SOCS2: variants seen among roughly 807,000 people sequenced by gnomAD.
The protein encoded by SOCS2 is suppressor of cytokine signaling 2, also known as CIS-2.
A neutral mutation model predicts 18.6 loss-of-function variants in SOCS2; 10 were observed. The observed-to-expected ratio is 0.54, with a 90% CI of 0.33 to 0.91. The LOEUF (loss-of-function observed/expected upper bound fraction) is 0.91. SOCS2 is among the 40% of genes least tolerant of loss of function. SOCS2 has a pLI of 0.02. For missense variants in SOCS2, 231 were observed against 247.2 expected, an observed-to-expected ratio of 0.93 and a Z score of 0.44; for synonymous variants, 104 against 104.0, an observed-to-expected ratio of 1.00 and a Z score of 0.00.
At chr12:93,621,878 A>T in the SOCS2 span, among the ~76,000 whole-genome samples, 17 of 152,324 alleles carry the variant, frequency 1.1e-4, 1 homozygote, top group East Asian at 2.1e-3. Context: ...GACTTAAATC[A>T]GTTAACATAT....
At chr12:93,600,816 T>C in the SOCS2 span, among the ~76,000 whole-genome samples, 3 of 151,174 alleles carry the variant, frequency 2.0e-5, no homozygotes, top group African/African-American at 7.3e-5. Flanking sequence ...AGAGATGAGG[T>C]CTTGATCTGT....
chr12:93,610,494 C>T, the SOCS2 span, among the ~76,000 whole-genome samples: 9 of 152,310 alleles, frequency 5.9e-5, no homozygotes, highest in African/African-American at 2.2e-4. Context: ...GTTTGAGTAA[C>T]ATTGTGCTAT....
At chr12:93,622,888 T>C in the SOCS2 span, among the ~76,000 whole-genome samples, 11 of 152,162 alleles carry the variant, frequency 7.2e-5, no homozygotes, top group Admixed American at 6.5e-4. Context: ...TATAAACTTA[T>C]GGAAGGTTTG....
At chr12:93,582,683 G>A (rs543318660) in intron 1 of SOCS2, among the ~76,000 whole-genome samples, 1 of 152,324 alleles carries the variant, frequency 6.6e-6, no homozygotes, top group African/African-American at 2.4e-5. Flanking sequence ...AGGTCGCGGT[G>A]CAGCGGGCAC....
At chr12:93,574,203 T>A (rs1436803721) in intron 1 of SOCS2, 1 of 135,696 alleles carries the variant, frequency 7.4e-6, no homozygotes, top group Non-Finnish European at 1.6e-5. Flanking sequence ...CTTTGCAGAT[T>A]CTTTTTTTTT....
chr12:93,600,710 G>A, the SOCS2 span, among the ~76,000 whole-genome samples: 3 of 147,184 alleles, frequency 2.0e-5, no homozygotes, highest in Non-Finnish European at 4.5e-5. Context: ...TATAAGTTAC[G>A]TAAAGTTTTT....
downstream of SOCS2, among the ~76,000 whole-genome samples, chr12:93,584,026 A>C (rs1954568608): frequency 6.6e-6 from 1 of 152,244 alleles, no homozygotes; most frequent in Non-Finnish European, 1.5e-5. Flanking sequence ...TAAGTGTTCC[A>C]ATTAGCTAAG....
At chr12:93,589,167 C>T in the SOCS2 span, among the ~76,000 whole-genome samples, 1 of 152,354 alleles carries the variant, frequency 6.6e-6, no homozygotes, top group East Asian at 1.9e-4. Flanking sequence ...TTAGTGTTAT[C>T]TTCTCCAGCT....
chr12:93,625,935 A>G, the SOCS2 span, among the ~76,000 whole-genome samples: 1 of 152,030 alleles, frequency 6.6e-6, no homozygotes, highest in Non-Finnish European at 1.5e-5. Flanking sequence ...GTGATACTCT[A>G]TCTTGTTATT....
chr12:93,587,444 G>A (rs1394389858), downstream of SOCS2, among the ~76,000 whole-genome samples: 2 of 152,256 alleles, frequency 1.3e-5, no homozygotes, highest in Admixed American at 1.3e-4. Context: ...CACTTTGGGA[G>A]GCAGAGGTGG....
chr12:93,597,554 G>A, the SOCS2 span, among the ~76,000 whole-genome samples: 1 of 152,134 alleles, frequency 6.6e-6, no homozygotes, highest in Admixed American at 6.6e-5. Flanking sequence ...GACCTCAAGC[G>A]ATCCACCCAC....
In SOCS2 at chr12:93,575,056, G is replaced by T; in HGVS notation, c.474G>T (p.Thr158=). 1 of 1,614,108 alleles carries T rather than the reference G, an allele frequency of 6.2e-7. No homozygotes were observed. Among genetic ancestry groups the T allele is most frequent in the Non-Finnish European group, 8.5e-7 (1 of 1,180,010 alleles). The change falls in exon 2 of 2, where the codon ACG becomes ACT. Residue 158 remains threonine, a synonymous_variant. Coordinates refer to ENST00000551556, the MANE Select transcript of SOCS2 (RefSeq NM_001270471.2). The part of the protein sequence containing the change: ...VHLYLTKPLY[T]SAPSLQHLCR... ...TTTATCTGACCAAACCGCTCTACACGTCAGCACCATCTCTGCAGCATCTCT... is the reference window on the plus strand; with the variant it reads ...TTTATCTGACCAAACCGCTCTACACTTCAGCACCATCTCTGCAGCATCTCT...
chr12:93,594,039 T>G, the SOCS2 span, among the ~76,000 whole-genome samples: 1 of 152,206 alleles, frequency 6.6e-6, no homozygotes, highest in African/African-American at 2.4e-5. Context: ...AGTTCCATGA[T>G]GTCCCCAAAT....
the SOCS2 span, among the ~76,000 whole-genome samples, chr12:93,592,802 C>A: frequency 2.0e-5 from 3 of 152,060 alleles, no homozygotes; most frequent in African/African-American, 7.2e-5. Context: ...TCAACAACTT[C>A]GTCCCAGCCT....
At chr12:93,619,588 T>C in the SOCS2 span, among the ~76,000 whole-genome samples, 2 of 152,190 alleles carry the variant, frequency 1.3e-5, no homozygotes, top group Non-Finnish European at 2.9e-5. Flanking sequence ...TAAATAATCT[T>C]GTTTAATCCA....
chr12:93,590,934 G>A, the SOCS2 span, among the ~76,000 whole-genome samples: 16 of 151,550 alleles, frequency 1.1e-4, no homozygotes, highest in African/African-American at 3.9e-4. Context: ...TGATTACCTG[G>A]TAATATGATG....
At chr12:93,621,689 G>C in the SOCS2 span, among the ~76,000 whole-genome samples, 2 of 151,990 alleles carry the variant, frequency 1.3e-5, no homozygotes, top group Admixed American at 1.3e-4. Flanking sequence ...TCACTATGCT[G>C]TTCAGGCTGG....
chr12:93,597,611 C>T, the SOCS2 span, among the ~76,000 whole-genome samples: 1 of 152,114 alleles, frequency 6.6e-6, no homozygotes, highest in East Asian at 1.9e-4. Flanking sequence ...CCGCCATGCC[C>T]GAACTCAAAT....
downstream of SOCS2, among the ~76,000 whole-genome samples, chr12:93,579,747 G>T (rs954861976): frequency 6.6e-6 from 1 of 152,164 alleles, no homozygotes; most frequent in Non-Finnish European, 1.5e-5. Context: ...GCCTCTAAAA[G>T]TCCTGGAGTC....
Sources: gnomAD v4.1 joint callset for allele counts (sites outside exome capture counted in the v4.1 genomes callset) on GRCh38, gnomAD v4.1.1 for gene constraint, MANE v1.5 for transcripts, NCBI Gene and HGNC (gene_info 2026-07-23, HGNC 2026-07-21) for gene names.